RANBP2: variants seen among roughly 807,000 people sequenced by gnomAD.
The protein encoded by RANBP2 is RAN binding protein 2, also known as E3 SUMO-protein ligase RanBP2.
Under a neutral mutation model 303.6 loss-of-function variants are expected in RANBP2, and 57 were observed. The ratio of observed to expected loss-of-function variants is 0.19; its 90% CI spans 0.15 to 0.23. RANBP2 has a LOEUF of 0.23. RANBP2 is among the 10% of genes least tolerant of loss of function. The pLI is 1.00. For synonymous variants in RANBP2, 1,167 were observed against 1,301.5 expected, an observed-to-expected ratio of 0.90 and a Z score of 2.23; for missense variants, 3,138 against 3,780.8, an observed-to-expected ratio of 0.83 and a Z score of 4.46.
the RANBP2 span, among the ~76,000 whole-genome samples, chr2:109,213,684 G>A: frequency 6.6e-6 from 1 of 152,208 alleles, no homozygotes; most frequent in Admixed American, 6.5e-5. Flanking sequence ...GGTCAAGATG[G>A]CTTCATCTGT....
At chr2:109,106,198 C>G in the RANBP2 span, among the ~76,000 whole-genome samples, 2 of 152,062 alleles carry the variant, frequency 1.3e-5, no homozygotes, top group African/African-American at 2.4e-5. Flanking sequence ...CTCTACTGCT[C>G]TAAAACTTGC....
the RANBP2 span, among the ~76,000 whole-genome samples, chr2:108,805,661 A>G: frequency 4.3e-4 from 66 of 152,000 alleles, no homozygotes; most frequent in Non-Finnish European, 8.8e-4. Flanking sequence ...CAGGAGGCGG[A>G]GCTTGCAGTG....
At chr2:109,363,246 T>C in the RANBP2 span, among the ~76,000 whole-genome samples, 1 of 152,174 alleles carries the variant, frequency 6.6e-6, no homozygotes, top group Non-Finnish European at 1.5e-5. Context: ...TTTACTTTTT[T>C]AATTGGTTGC....
chr2:109,046,130 C>T, the RANBP2 span, among the ~76,000 whole-genome samples: 2 of 151,684 alleles, frequency 1.3e-5, no homozygotes, highest in Non-Finnish European at 2.9e-5. Flanking sequence ...GGGTGAAACC[C>T]CGTCTCTACT....
the RANBP2 span, among the ~76,000 whole-genome samples, chr2:108,924,556 T>A: frequency 6.6e-6 from 1 of 152,184 alleles, no homozygotes; most frequent in Non-Finnish European, 1.5e-5. Flanking sequence ...ATCTCTTTTT[T>A]ATTAGCCAGG....
At chr2:108,847,011 A>G in the RANBP2 span, 2 of 789,848 alleles carry the variant, frequency 2.5e-6, no homozygotes, top group African/African-American at 1.8e-5. Flanking sequence ...TTTATCAAAT[A>G]TGTTGTACAT....
chr2:109,347,664 T>C, the RANBP2 span: 14 of 1,612,536 alleles, frequency 8.7e-6, no homozygotes, highest in South Asian at 1.5e-4. Context: ...ATGCTGTCTG[T>C]TGCTTGCAGA....
chr2:108,988,628 G>A, the RANBP2 span, among the ~76,000 whole-genome samples: 2 of 152,242 alleles, frequency 1.3e-5, no homozygotes, highest in South Asian at 4.1e-4. Context: ...GGGCAAACCT[G>A]AGAAACATAC....
At chr2:108,980,040 C>T in the RANBP2 span, among the ~76,000 whole-genome samples, 3 of 135,256 alleles carry the variant, frequency 2.2e-5, no homozygotes, top group Non-Finnish European at 4.5e-5. Context: ...TATCAGTGAC[C>T]ATGGACACAC....
the RANBP2 span, among the ~76,000 whole-genome samples, chr2:109,739,605 A>G: frequency 2.0e-5 from 3 of 152,094 alleles, no homozygotes; most frequent in Non-Finnish European, 4.4e-5. Context: ...TTTGTTTGTC[A>G]GTTCTATTAG....
the RANBP2 span, among the ~76,000 whole-genome samples, chr2:109,145,232 C>T: frequency 3.3e-5 from 5 of 152,114 alleles, no homozygotes; most frequent in South Asian, 2.1e-4. Context: ...TTCCTGACCA[C>T]GGTCTCCCCA....
the RANBP2 span, among the ~76,000 whole-genome samples, chr2:109,091,909 T>A: frequency 4.0e-5 from 6 of 151,760 alleles, no homozygotes; most frequent in African/African-American, 9.7e-5. Context: ...CACCACCGAG[T>A]GTCATCTGTC....
the RANBP2 span, among the ~76,000 whole-genome samples, chr2:109,594,356 T>C: frequency 6.6e-6 from 1 of 152,288 alleles, no homozygotes; most frequent in Admixed American, 6.5e-5. Context: ...AGCTCAGCGC[T>C]CTTCCCGAGA....
chr2:109,629,098 A>G, the RANBP2 span, among the ~76,000 whole-genome samples: 1 of 151,590 alleles, frequency 6.6e-6, no homozygotes, highest in Admixed American at 6.6e-5. Context: ...GCTACTCGGT[A>G]AGCTGAGGCA....
chr2:108,728,858 G>A (rs1188275601), intron 1 of RANBP2, among the ~76,000 whole-genome samples: 2 of 152,126 alleles, frequency 1.3e-5, no homozygotes, highest in African/African-American at 4.8e-5. Context: ...TAGCCAGGCT[G>A]GTCTCAAACT....
At chr2:108,859,967 T>C in the RANBP2 span, among the ~76,000 whole-genome samples, 1 of 152,318 alleles carries the variant, frequency 6.6e-6, no homozygotes, top group East Asian at 1.9e-4. Context: ...TTATGTCATC[T>C]GTGATTTCCT....
chr2:109,266,586 C>T, the RANBP2 span, among the ~76,000 whole-genome samples: 14 of 152,138 alleles, frequency 9.2e-5, no homozygotes, highest in Non-Finnish European at 1.8e-4. Context: ...GCCTGATGCC[C>T]GTCACCGAGA....
the RANBP2 span, among the ~76,000 whole-genome samples, chr2:109,410,458 C>T: frequency 7.2e-3 from 1,099 of 152,340 alleles, 9 homozygotes; most frequent in East Asian, 0.044. Context: ...TCAGCGTGCA[C>T]GCTGTCACTT....
chr2:109,223,259 C>T, the RANBP2 span, among the ~76,000 whole-genome samples: 10 of 152,166 alleles, frequency 6.6e-5, no homozygotes, highest in Non-Finnish European at 8.8e-5. Flanking sequence ...TTGGCTGTTA[C>T]CAGATCCAGA....
Sources: allele counts gnomAD v4.1 joint callset (sites outside exome capture counted in the v4.1 genomes callset), GRCh38; gene constraint gnomAD v4.1.1; transcripts MANE v1.5; gene names NCBI Gene and HGNC (gene_info 2026-07-23, HGNC 2026-07-21).